PCDHGA3: variants seen among roughly 807,000 people sequenced by gnomAD.
The protein encoded by PCDHGA3 is protocadherin gamma-A3.
PCDHGA3 carries 40 observed loss-of-function variants against 58.5 expected under a neutral mutation model. The ratio of observed to expected loss-of-function variants is 0.68; its 90% CI spans 0.53 to 0.89. PCDHGA3 has a LOEUF of 0.89. PCDHGA3 is among the 40% of genes least tolerant of loss of function. The probability of loss-of-function intolerance (pLI) is 0.00; values close to 1 mark genes in which losing one functional copy is unlikely to be tolerated. For missense variants in PCDHGA3, 1,223 were observed against 1,195.9 expected (o/e 1.02, Z -0.33); for synonymous variants, 530 against 525.7 (o/e 1.01, Z -0.11).
intron 1 of PCDHGA3, chr5:141,361,981 C>A (rs370897399): frequency 1.4e-4 from 232 of 1,601,314 alleles, no homozygotes; most frequent in Non-Finnish European, 1.8e-4. Context: ...CGAGCCCGGG[C>A]TCTTCAGCCT....
chr5:141,414,789 C>T, intron 1 of PCDHGA3: 1 of 1,614,218 alleles, frequency 6.2e-7, no homozygotes, highest in East Asian at 2.2e-5. Context: ...AGGTGACAGC[C>T]AGCGACAGCG....
At chr5:141,508,906 G>A (rs2099872897) in intron 3 of PCDHGA3, among the ~76,000 whole-genome samples, 1 of 152,092 alleles carries the variant, frequency 6.6e-6, no homozygotes, top group Non-Finnish European at 1.5e-5. Context: ...CGGGGCGGTG[G>A]CGGATCTGGC....
intron 1 of PCDHGA3, chr5:141,384,771 C>A (rs568102289): frequency 1.2e-6 from 2 of 1,613,878 alleles, no homozygotes; most frequent in Non-Finnish European, 1.7e-6. Flanking sequence ...TGTACACGGG[C>A]GAGGTGCGCA....
At chr5:141,427,982 G>A in intron 1 of PCDHGA3, 1 of 1,596,754 alleles carries the variant, frequency 6.3e-7, no homozygotes, top group Non-Finnish European at 8.6e-7. Flanking sequence ...CCGCGCTGGG[G>A]CCCGATGGCT....
At chr5:141,362,927 A>G (rs940614958) in intron 1 of PCDHGA3, among the ~76,000 whole-genome samples, 2 of 152,224 alleles carry the variant, frequency 1.3e-5, no homozygotes, top group African/African-American at 2.4e-5. Context: ...GAGTAAAGAG[A>G]GTCTTCATTT....
intron 1 of PCDHGA3, chr5:141,364,631 C>T: frequency 6.2e-7 from 1 of 1,614,122 alleles, no homozygotes; most frequent in African/African-American, 1.3e-5. Flanking sequence ...TCAGAGCCCA[C>T]TGTGTGTGGT....
chr5:141,483,257 T>G, intron 1 of PCDHGA3, among the ~76,000 whole-genome samples: 1 of 137,924 alleles, frequency 7.3e-6, no homozygotes, highest in East Asian at 1.9e-4. Flanking sequence ...ATCATGAGGT[T>G]TTTTTGTTTT....
At chr5:141,424,936 C>G (rs1160449329) in intron 1 of PCDHGA3, among the ~76,000 whole-genome samples, 1 of 152,182 alleles carries the variant, frequency 6.6e-6, no homozygotes, top group Non-Finnish European at 1.5e-5. Flanking sequence ...AGTCAACACT[C>G]TCACATCACT....
At chr5:141,416,698 A>G (rs2096053724) in intron 1 of PCDHGA3, 1 of 152,250 alleles carries the variant, frequency 6.6e-6, no homozygotes, top group Non-Finnish European at 1.5e-5. Context: ...TAAACAAAGG[A>G]TCATTGGAGG....
intron 1 of PCDHGA3, among the ~76,000 whole-genome samples, chr5:141,457,912 C>T (rs991917175): frequency 1.3e-5 from 2 of 152,120 alleles, no homozygotes; most frequent in African/African-American, 4.8e-5. Context: ...GGTGTGAGGC[C>T]AGTTCTCCCC....
intron 1 of PCDHGA3, among the ~76,000 whole-genome samples, chr5:141,466,748 G>A (rs562859284): frequency 6.6e-6 from 1 of 152,238 alleles, no homozygotes; most frequent in South Asian, 2.1e-4. Context: ...TACTCTGATA[G>A]GGGCTCTTTT....
At chr5:141,372,541 G>A (rs376822583) in intron 1 of PCDHGA3, 28 of 1,613,862 alleles carry the variant, frequency 1.7e-5, no homozygotes, top group Non-Finnish European at 2.0e-5. Flanking sequence ...CTGCGCCTGC[G>A]ATGCTCCTCC....
At chr5:141,483,487 A>G (rs777951096) in intron 1 of PCDHGA3, among the ~76,000 whole-genome samples, 4 of 152,006 alleles carry the variant, frequency 2.6e-5, no homozygotes, top group Non-Finnish European at 5.9e-5. Context: ...AGTGAGGGAC[A>G]GGGATGAGTC....
intron 1 of PCDHGA3, chr5:141,392,261 A>C (rs2150475228): frequency 6.6e-6 from 1 of 152,338 alleles, no homozygotes; most frequent in Admixed American, 6.5e-5. Flanking sequence ...TATTGGAGAC[A>C]TTTACAATAA....
intron 1 of PCDHGA3, chr5:141,365,377 C>T (rs1259011654): frequency 3.1e-6 from 5 of 1,613,982 alleles, no homozygotes; most frequent in Non-Finnish European, 4.2e-6. Context: ...AAGTGATCCT[C>T]ACCTCTCTGA....
chr5:141,374,681 C>G, intron 1 of PCDHGA3: 1 of 1,610,216 alleles, frequency 6.2e-7, no homozygotes, highest in Non-Finnish European at 8.5e-7. Context: ...GGAGGGCACA[C>G]TGGACCGGGA....
Position 141,491,758 on chromosome 5 carries a change from C to A in PCDHGA3, c.2425-3049C>A. The stretch of plus-strand genomic sequence containing the variant: ...TGGGGGCGGCACTGGAGAAGCCGCC[C>A]GTCCTCATAAGGGATTGAACTTGCA... On this transcript the variant is annotated intron_variant, in intron 1 of 3. Coordinates refer to ENST00000253812, the MANE Select transcript of PCDHGA3 (RefSeq NM_018916.4). This position sits in a 1 kb window ranked among gnomAD's most constrained non-coding sequence, Gnocchi z 6.9. 6.3e-7 allele frequency: 1 copy of A among 1,578,788 alleles called. No homozygotes were observed. Among genetic ancestry groups the A allele is most frequent in the Non-Finnish European group, 8.6e-7 (1 of 1,163,522 alleles).
Position 141,372,333 on chromosome 5 carries a change from C to T in PCDHGA3, c.2424+25876C>T, listed in dbSNP as rs376897075. On this transcript the variant is annotated intron_variant, in intron 1 of 3. Transcript: ENST00000253812. The stretch of plus-strand genomic sequence containing the variant: ...CCGCCAGCGCCTGCTGGTCACTGTG[C>T]GTGATGGAGGACAGCAGCCTCTTTC... 5.9e-5 allele frequency: 96 copies of T among 1,613,614 alleles called. No homozygotes were observed. Among genetic ancestry groups the T allele is most frequent in the Non-Finnish European group, 7.9e-5 (93 of 1,179,914 alleles).
chr5:141,453,888 C>T (rs1273180395), intron 1 of PCDHGA3, among the ~76,000 whole-genome samples: 2 of 152,198 alleles, frequency 1.3e-5, no homozygotes, highest in East Asian at 1.9e-4. Flanking sequence ...TGTGGCCAAT[C>T]ACATGACTTC....
Sources: gnomAD v4.1 joint callset for allele counts (sites outside exome capture counted in the v4.1 genomes callset) on GRCh38, gnomAD v4.1.1 for gene constraint, Gnocchi (gnomAD v3.1) non-coding constraint, MANE v1.5 for transcripts, NCBI Gene and HGNC (gene_info 2026-07-23, HGNC 2026-07-21) for gene names.